Variants in ZCCHC4 observed in about 807,000 individuals in gnomAD.
The protein encoded by ZCCHC4 is rRNA N(6)-adenosine-methyltransferase ZCCHC4.
A neutral mutation model predicts 67.7 loss-of-function variants in ZCCHC4; 54 were observed. The observed-to-expected ratio is 0.80, with a 90% CI of 0.64 to 1.00. ZCCHC4 has a LOEUF of 1.00. Among genes scored for constraint, ZCCHC4 ranks in the 50% least tolerant of loss-of-function variants. The pLI, the probability that ZCCHC4 is intolerant of heterozygous loss-of-function variation, is 0.00. For missense variants in ZCCHC4, 609 were observed against 617.0 expected, an observed-to-expected ratio of 0.99 and a Z score of 0.14; for synonymous variants, 198 against 213.5, an observed-to-expected ratio of 0.93 and a Z score of 0.63.
intron 12 of ZCCHC4, among the ~76,000 whole-genome samples, chr4:25,368,624 C>T (rs114413199): frequency 0.01 from 1,587 of 152,246 alleles, 36 homozygotes; most frequent in African/African-American, 0.035. Flanking sequence ...TCTGTCTCTG[C>T]TGACTGCCCC....
chr4:25,364,536 T>C (rs371182603), intron 11 of ZCCHC4, 31 bp downstream of exon 11: 45 of 1,508,048 alleles, frequency 3.0e-5, no homozygotes, highest in East Asian at 1.2e-4. Context: ...TTTGAGATCC[T>C]ATGAACATAT....
At chr4:25,362,409 A>T (rs1720780297) in intron 10 of ZCCHC4, 108 bp downstream of exon 10, 1 of 633,674 alleles carries the variant, frequency 1.6e-6, no homozygotes, top group Non-Finnish European at 2.4e-6. Context: ...ATTTGTATTA[A>T]TATGTATTAT....
chr4:25,312,957 A>G, intron 1 of ZCCHC4, 21 bp downstream of exon 1: 1 of 1,609,512 alleles, frequency 6.2e-7, no homozygotes, highest in Non-Finnish European at 8.5e-7. Context: ...GTCTGGGCTC[A>G]GCCTAACTGC....
At chr4:25,365,361 G>A in intron 12 of ZCCHC4, 195 bp downstream of exon 12, 1 of 1,383,192 alleles carries the variant, frequency 7.2e-7, no homozygotes, top group Non-Finnish European at 9.3e-7. Context: ...AGAGCTTACA[G>A]TTCTACAGCT....
chr4:25,365,124 G>C lies in ZCCHC4; in HGVS notation c.1364G>C (p.Arg455Pro), dbSNP rs140336886. The C allele has an allele frequency of 1.5e-5, 24 of 1,614,122 alleles. No individual in the cohort carries two copies. In the East Asian group the frequency reaches 5.3e-4, roughly 36 times the overall value. ...CFICGELDHK[R>P]STCPNIATSK... ...ATTTGTGGTGAACTGGATCATAAAC[G>C]CAGTACTTGTCCTAACATTGCTACA... The change falls in exon 12 of 13, where the codon CGC (arginine) becomes CCC (proline). Residue 455 changes from arginine (R) to proline (P), a missense_variant. Physicochemically the swap from Arg to Pro is moderately radical, Grantham distance 103. Transcript: ENST00000302874.
At chr4:25,364,287 A>G (rs1720860246) in intron 10 of ZCCHC4, among the ~76,000 whole-genome samples, 167 bp from the exon 11 acceptor site, 1 of 152,226 alleles carries the variant, frequency 6.6e-6, no homozygotes, top group Non-Finnish European at 1.5e-5. Flanking sequence ...GAGTGGAGAA[A>G]TGCATAAATT....
At chr4:25,321,150 T>A (rs1241605437) in intron 3 of ZCCHC4, among the ~76,000 whole-genome samples, 7 of 152,154 alleles carry the variant, frequency 4.6e-5, no homozygotes, top group African/African-American at 1.4e-4. Flanking sequence ...CCAGGTATAT[T>A]TTTTCTTTCT....
At chr4:25,325,010 A>G (rs1164576549) in intron 3 of ZCCHC4, among the ~76,000 whole-genome samples, 2 of 151,932 alleles carry the variant, frequency 1.3e-5, no homozygotes, top group African/African-American at 2.4e-5. Flanking sequence ...TTGGGAGGCC[A>G]AGGCGGGTGG....
At chr4:25,367,088 C>A (rs901788090) in intron 12 of ZCCHC4, among the ~76,000 whole-genome samples, 1 of 151,984 alleles carries the variant, frequency 6.6e-6, no homozygotes, top group African/African-American at 2.4e-5. Flanking sequence ...AAATAACAGC[C>A]TTTTTAGCAT....
chr4:25,316,157 T>A (rs1342983230), intron 3 of ZCCHC4, among the ~76,000 whole-genome samples: 1 of 152,276 alleles, frequency 6.6e-6, no homozygotes, highest in African/African-American at 2.4e-5. Context: ...GTATCAGAAC[T>A]GTATTCCTTT....
intron 3 of ZCCHC4, among the ~76,000 whole-genome samples, chr4:25,322,819 G>A (rs559199830): frequency 3.7e-4 from 56 of 152,212 alleles, no homozygotes; most frequent in Non-Finnish European, 6.2e-4. Flanking sequence ...CACCTGGCCT[G>A]AATTGTCCAC....
Position 25,349,504 on chromosome 4 carries a change from G to A in ZCCHC4, c.772G>A (p.Val258Ile). Residue 258 changes from valine to isoleucine, a missense_variant, in exon 7 of 13, where the codon GTA becomes ATA. Coordinates refer to ENST00000302874, the MANE Select transcript of ZCCHC4 (RefSeq NM_024936.3). ...HFFDGKTALE[V>I]CRAFLQEDKG... Reference sequence around the variant, plus strand: ...TTATTTGTTCCAGACTGCCCTTGAAGTATGCAGAGCATTTTTACAGGAAGA... The same window carrying A: ...TTATTTGTTCCAGACTGCCCTTGAAATATGCAGAGCATTTTTACAGGAAGA... 1 of 1,613,820 alleles carries A rather than the reference G, an allele frequency of 6.2e-7. No individual in the cohort carries two copies. The highest frequency in any genetic ancestry group is 8.5e-7 in the Non-Finnish European group (1 of 1,179,834).
At chr4:25,314,533 C>G (rs1718147883) in intron 2 of ZCCHC4, among the ~76,000 whole-genome samples, 1 of 152,162 alleles carries the variant, frequency 6.6e-6, no homozygotes, top group Admixed American at 6.5e-5. Flanking sequence ...AAGATGCTGG[C>G]AGATCTAGTG....
chr4:25,363,226 T>A (rs1720822313), intron 10 of ZCCHC4, among the ~76,000 whole-genome samples: 1 of 152,236 alleles, frequency 6.6e-6, no homozygotes, highest in Non-Finnish European at 1.5e-5. Context: ...ACTGTCTCTA[T>A]AGTTTTTCCT....
Position 25,312,894 on chromosome 4 carries a change from C to G in ZCCHC4, c.85C>G (p.Leu29Val). Reference sequence around the variant, plus strand: ...GGGAAGCTCGGGAATGGAGGTGGTGCTTCCTTTGGATCCTGCCGTCCCCGC... The same window carrying G: ...GGGAAGCTCGGGAATGGAGGTGGTGGTTCCTTTGGATCCTGCCGTCCCCGC... ...CRGSSGMEVV[L>V]PLDPAVPAPL... Residue 29 changes from leucine to valine, a missense_variant, in exon 1 of 13, where the codon CTT becomes GTT. Leu to Val is a conservative substitution (Grantham distance 32, BLOSUM62 1). Coordinates refer to ENST00000302874, the MANE Select transcript of ZCCHC4 (RefSeq NM_024936.3). The G allele has an allele frequency of 6.2e-7, 1 of 1,612,910 alleles. No homozygotes were observed. The highest frequency in any genetic ancestry group is 8.5e-7 in the Non-Finnish European group (1 of 1,179,990).
chr4:25,367,387 A>G (rs1720992295), intron 12 of ZCCHC4, among the ~76,000 whole-genome samples: 1 of 152,172 alleles, frequency 6.6e-6, no homozygotes, highest in Non-Finnish European at 1.5e-5. Flanking sequence ...AATATTTTCA[A>G]ATATTTTCCT....
intron 3 of ZCCHC4, among the ~76,000 whole-genome samples, chr4:25,325,847 G>GGT (rs1718854144): frequency 6.6e-6 from 1 of 152,028 alleles, no homozygotes; most frequent in South Asian, 2.1e-4. Context: ...TATGAAGTGA[G>GGT]GTAAGAGTCA....
Position 25,364,514 on chromosome 4 carries a change from TGA to T in ZCCHC4, c.1261+12_1261+13del, listed in dbSNP as rs1720868846. ...AAAGTGTGTAAAGCCTTGTAAGTATTGAGACTTAGTGTTTGAGATCCTATGAA... is the reference window on the plus strand; with the variant it reads ...AAAGTGTGTAAAGCCTTGTAAGTATTGACTTAGTGTTTGAGATCCTATGAA... On this transcript the variant is annotated intron_variant, in intron 11 of 12. Transcript: ENST00000302874. 6.4e-6 allele frequency: 10 copies of T among 1,555,080 alleles called. No homozygotes were observed. In the African/African-American group the frequency reaches 8.4e-5, roughly 13 times the overall value.
At chr4:25,352,194 A>T in intron 8 of ZCCHC4, 1 of 985,532 alleles carries the variant, frequency 1.0e-6, no homozygotes, top group Non-Finnish European at 1.2e-6. Context: ...GAATGTGTTG[A>T]TTCCGGGAGG....
Sources: gnomAD v4.1 joint callset for allele counts (sites outside exome capture counted in the v4.1 genomes callset) on GRCh38, gnomAD v4.1.1 for gene constraint, MANE v1.5 for transcripts, NCBI Gene and HGNC (gene_info 2026-07-23, HGNC 2026-07-21) for gene names.